SPRY3: variants seen among roughly 807,000 people sequenced by gnomAD.
SPRY3 encodes the protein sprouty RTK signaling antagonist 3, also known as protein sprouty homolog 3.
Under a neutral mutation model 20.2 loss-of-function variants are expected in SPRY3, and 15 were observed. The observed-to-expected ratio is 0.74, with a 90% CI of 0.50 to 1.14. SPRY3 has a LOEUF of 1.14. SPRY3 is among the 50% of genes most tolerant of loss of function. The pLI is 0.00. For synonymous variants in SPRY3, 143 were observed against 136.5 expected, an observed-to-expected ratio of 1.05 and a Z score of -0.33; for missense variants, 364 against 363.9, an observed-to-expected ratio of 1.00 and a Z score of 0.00.
intron 2 of SPRY3, among the ~76,000 whole-genome samples, chrX:155,728,019 C>T (rs1185247152): frequency 1.3e-5 from 2 of 152,122 alleles, no homozygotes; most frequent in African/African-American, 4.8e-5. Flanking sequence ...TTATTTCTTT[C>T]TGTTTGTTAG....
chrX:155,630,984 T>C (rs1557350451), intron 1 of SPRY3, among the ~76,000 whole-genome samples: 3 of 110,240 alleles, frequency 2.7e-5, no homozygotes, highest in Non-Finnish European at 5.7e-5. Context: ...GGGGTACATG[T>C]GCAGGCTTGT....
chrX:155,752,755 T>G (rs2091269353), intron 2 of SPRY3, among the ~76,000 whole-genome samples: 1 of 151,864 alleles, frequency 6.6e-6, no homozygotes, highest in African/African-American at 2.4e-5. Flanking sequence ...ATATACTTGG[T>G]TGGCAAGAGT....
chrX:155,673,055 G>T (rs2068047510), intron 2 of SPRY3, among the ~76,000 whole-genome samples: 1 of 40,011 alleles, frequency 2.5e-5, no homozygotes, highest in Non-Finnish European at 5.6e-5. Flanking sequence ...TCACACTCTG[G>T]GGACTGTTGT....
intron 1 of SPRY3, among the ~76,000 whole-genome samples, chrX:155,629,093 G>A (rs1300247198): frequency 9.2e-6 from 1 of 108,266 alleles, no homozygotes; most frequent in Non-Finnish European, 1.9e-5. Flanking sequence ...TGCTATGTTG[G>A]TGTGCTGCAC....
At chrX:155,764,732 A>G (rs1166974333) in intron 2 of SPRY3, among the ~76,000 whole-genome samples, 2 of 152,166 alleles carry the variant, frequency 1.3e-5, no homozygotes, top group African/African-American at 4.8e-5. Flanking sequence ...CACAAAGAAG[A>G]GGACAAATCT....
At chrX:155,666,234 G>A (rs1557354322) in intron 2 of SPRY3, among the ~76,000 whole-genome samples, 1 of 111,506 alleles carries the variant, frequency 9.0e-6, no homozygotes, top group Non-Finnish European at 1.9e-5. Context: ...AAGTAGCAGG[G>A]AGCCAGGTCA....
At chrX:155,777,388 G>A (rs1289634423), downstream of SPRY3, 2 of 166,740 alleles carry the variant, frequency 1.2e-5, no homozygotes, top group Non-Finnish European at 1.5e-5. Flanking sequence ...TGCCAGAGGG[G>A]CCCTGGGTTC....
intron 2 of SPRY3, among the ~76,000 whole-genome samples, chrX:155,721,046 C>T (rs1322881562): frequency 1.3e-5 from 2 of 151,998 alleles, no homozygotes; most frequent in African/African-American, 4.8e-5. Context: ...TGAGATAACA[C>T]AGAGAAGGAA....
intron 2 of SPRY3, among the ~76,000 whole-genome samples, chrX:155,673,054 G>A (rs1267296451): frequency 2.4e-5 from 1 of 40,833 alleles, no homozygotes; most frequent in Non-Finnish European, 5.6e-5. Context: ...ATCACACTCT[G>A]GGGACTGTTG....
chrX:155,774,776 A>G (rs1399600550), exon 4 of SPRY3: 2 of 1,571,096 alleles, frequency 1.3e-6, no homozygotes, highest in Non-Finnish European at 1.7e-6. Context: ...TTCTCCTTCG[A>G]GTCCCCAACA....
chrX:155,692,283 AGTT>A (rs777102331), intron 2 of SPRY3, among the ~76,000 whole-genome samples: 1 of 111,170 alleles, frequency 9.0e-6, no homozygotes, highest in East Asian at 2.8e-4. Context: ...GTGAATATCC[AGTT>A]GTTCTAGCAC....
chrX:155,696,147 C>G (rs1395490615), intron 2 of SPRY3, among the ~76,000 whole-genome samples: 1 of 109,536 alleles, frequency 9.1e-6, no homozygotes, highest in Admixed American at 9.9e-5. Context: ...TTTTGACTAC[C>G]TTACTCTATC....
At chrX:155,700,404 C>A (rs1203502211) in intron 2 of SPRY3, among the ~76,000 whole-genome samples, 3 of 109,212 alleles carry the variant, frequency 2.7e-5, no homozygotes, top group Non-Finnish European at 5.7e-5. Context: ...AAGTTAGACA[C>A]AATTACCATA....
At chrX:155,759,078 T>C (rs1345708699) in intron 2 of SPRY3, among the ~76,000 whole-genome samples, 1 of 151,996 alleles carries the variant, frequency 6.6e-6, no homozygotes. Context: ...TTCTTTTTTT[T>C]TTTTTTGACT....
rs766406940 is a variant in SPRY3 at position 155,723,785 on chromosome X, T to C, written c.-281-44177T>C. ...TTTGCTGTGCAGAAGCTCTTTAGTT[T>C]AATTAGATCCCATTTGTCTATTTTG... On this transcript the variant is annotated intron_variant, in intron 2 of 3. Transcript: ENST00000675360. Among the ~76,000 whole-genome samples, 13 of 152,322 alleles carry C rather than the reference T, an allele frequency of 8.5e-5. No homozygotes were observed. In the East Asian group the frequency reaches 2.5e-3, roughly 29 times the overall value.
Position 155,773,744 on chromosome X carries a change from G to A in SPRY3, c.-106-22G>A, listed in dbSNP as rs182590097. On this transcript the variant is annotated intron_variant, in intron 3 of 3. Coordinates refer to ENST00000675360, the Ensembl canonical transcript of SPRY3. The stretch of plus-strand genomic sequence containing the variant: ...TTATGCCTGTGTGTTCTCATTTACT[G>A]TTTTTATGCCTTCTCTCCTAGGATT... 12 of 1,148,044 alleles carry A rather than the reference G, an allele frequency of 1.0e-5. No individual in the cohort carries two copies. The Admixed American group carries it at 2.0e-4, about 20-fold the overall frequency. 71.1% of individuals were successfully genotyped at this position (1,148,044 alleles called of 1,614,324 possible). A position where few individuals can be genotyped will look rare whatever the true frequency, so the allele number is the denominator to read the frequency against.
intron 2 of SPRY3, among the ~76,000 whole-genome samples, chrX:155,706,012 G>A (rs2090948391): frequency 6.6e-6 from 1 of 151,202 alleles, no homozygotes; most frequent in Non-Finnish European, 1.5e-5. Flanking sequence ...GCACTAACAA[G>A]AACTAATTGA....
intron 2 of SPRY3, among the ~76,000 whole-genome samples, chrX:155,706,562 T>A (rs1220360426): frequency 6.6e-6 from 1 of 150,698 alleles, no homozygotes; most frequent in Non-Finnish European, 1.5e-5. Context: ...AGTTGCCTTT[T>A]TAAAAATATC....
intron 1 of SPRY3, among the ~76,000 whole-genome samples, chrX:155,643,556 T>C (rs2067948673): frequency 9.0e-6 from 1 of 111,674 alleles, no homozygotes; most frequent in South Asian, 3.7e-4. Context: ...TTCCTTCCTT[T>C]CTTTCTTTTA....
Sources: gnomAD v4.1 joint callset for allele counts (sites outside exome capture counted in the v4.1 genomes callset) on GRCh38, gnomAD v4.1.1 for gene constraint, MANE v1.5 for transcripts, NCBI Gene and HGNC (gene_info 2026-07-23, HGNC 2026-07-21) for gene names.